The following LRBA variants were observed in gnomAD, a reference collection of about 807,000 sequenced individuals.
LRBA encodes lipopolysaccharide-responsive and beige-like anchor protein.
In LRBA, 176 loss-of-function variants were observed where a neutral mutation model predicts 330.0. That is an observed-to-expected ratio of 0.53 (90% CI 0.47 to 0.60). The LOEUF is 0.60. Among genes scored for constraint, LRBA ranks in the 20% least tolerant of loss-of-function variants. LRBA has a pLI of 0.00. For missense variants in LRBA, 3,259 were observed against 3,444.8 expected (o/e 0.95, Z 1.35); for synonymous variants, 1,230 against 1,193.0 (o/e 1.03, Z -0.64).
chr4:150,954,253 C>G (rs1392662592), intron 2 of LRBA, among the ~76,000 whole-genome samples: 1 of 152,102 alleles, frequency 6.6e-6, no homozygotes, highest in Non-Finnish European at 1.5e-5. Context: ...GGCCGCCACC[C>G]CGTCTGGGAG....
At chr4:150,849,088 G>C (rs760351599) in intron 25 of LRBA, 90 bp from the exon 26 acceptor site, 58 of 839,306 alleles carry the variant, frequency 6.9e-5, no homozygotes, top group Non-Finnish European at 9.9e-5. Flanking sequence ...AATTGCATAA[G>C]TAGTCAGACT....
chr4:150,402,653 T>C (rs1177727862), intron 47 of LRBA, among the ~76,000 whole-genome samples: 3 of 152,014 alleles, frequency 2.0e-5, no homozygotes, highest in African/African-American at 7.2e-5. Flanking sequence ...AGAGAAAAAA[T>C]GGCCTATTTT....
At position 150,336,575 on chromosome 4, in the gene LRBA, A is replaced by T. The variant is rs72953852; in HGVS notation, c.7363-10677T>A. ...TAATGCAAAGAAAAGGGGGAGAAGG[A>T]AAATTAGGGAGGGAAAGGAGTATTT... On this transcript the variant is annotated intron_variant, in intron 48 of 56. Transcript: ENST00000651943. 2.0e-5 allele frequency among the ~76,000 whole-genome samples: 3 copies of T among 152,104 alleles called. No individual in the cohort carries two copies. In the South Asian group the frequency reaches 6.2e-4, roughly 32 times the overall value.
intron 40 of LRBA, among the ~76,000 whole-genome samples, chr4:150,511,650 A>C (rs937494139): frequency 2.0e-5 from 3 of 152,228 alleles, no homozygotes; most frequent in African/African-American, 7.2e-5. Flanking sequence ...CTTAGATCTC[A>C]TTGTATCCCA....
chr4:150,615,824 G>A (rs1055745024), intron 37 of LRBA, among the ~76,000 whole-genome samples: 1 of 151,942 alleles, frequency 6.6e-6, no homozygotes, highest in African/African-American at 2.4e-5. Context: ...TGTAGCCAGT[G>A]ACATGCAAGC....
chr4:150,940,845 C>A (rs73859295), intron 2 of LRBA, among the ~76,000 whole-genome samples: 1 of 151,752 alleles, frequency 6.6e-6, no homozygotes, highest in Non-Finnish European at 1.5e-5. Flanking sequence ...CTTTTAAGTG[C>A]CTTTTTTGTT....
chr4:150,898,515 A>C (rs1045606502), intron 14 of LRBA, among the ~76,000 whole-genome samples: 1 of 152,042 alleles, frequency 6.6e-6, no homozygotes, highest in Non-Finnish European at 1.5e-5. Flanking sequence ...ATATTTTATA[A>C]TTTTTCCACC....
At chr4:150,476,902 G>A (rs1453882605) in intron 42 of LRBA, among the ~76,000 whole-genome samples, 2 of 152,140 alleles carry the variant, frequency 1.3e-5, no homozygotes, top group Non-Finnish European at 2.9e-5. Context: ...ACTGATAACA[G>A]GACTAATTCT....
At chr4:150,885,449 C>T (rs972374964) in intron 17 of LRBA, among the ~76,000 whole-genome samples, 7 of 151,954 alleles carry the variant, frequency 4.6e-5, no homozygotes, top group African/African-American at 1.5e-4. Context: ...AGTGAAACCC[C>T]ATCTCTACTA....
At chr4:150,678,715 T>C (rs958353476) in intron 37 of LRBA, among the ~76,000 whole-genome samples, 2 of 152,234 alleles carry the variant, frequency 1.3e-5, no homozygotes, top group African/African-American at 4.8e-5. Context: ...TTGTCAGGAA[T>C]GGCTATAAAG....
At chr4:150,658,373 A>C (rs1250261816) in intron 37 of LRBA, among the ~76,000 whole-genome samples, 3 of 150,884 alleles carry the variant, frequency 2.0e-5, no homozygotes, top group Admixed American at 1.3e-4. Flanking sequence ...AAAAAAAAAA[A>C]CTGCTGAAAT....
At chr4:150,646,049 G>T (rs561752366) in intron 37 of LRBA, among the ~76,000 whole-genome samples, 62 of 151,488 alleles carry the variant, frequency 4.1e-4, no homozygotes, top group African/African-American at 1.4e-3. Flanking sequence ...CTTGCCTTTT[G>T]ACCCAAAAAT....
chr4:150,945,862 C>T (rs933964304), intron 2 of LRBA, among the ~76,000 whole-genome samples: 1 of 151,476 alleles, frequency 6.6e-6, no homozygotes, highest in Non-Finnish European at 1.5e-5. Flanking sequence ...TACAGTGGCA[C>T]AATCTCAGCT....
At chr4:150,914,165 T>A (rs551017735) in intron 9 of LRBA, 30 bp downstream of exon 9, 2 of 1,562,644 alleles carry the variant, frequency 1.3e-6, no homozygotes, top group Non-Finnish European at 1.7e-6. Context: ...GAACTAACAT[T>A]GGTTAAGCAC....
intron 40 of LRBA, among the ~76,000 whole-genome samples, chr4:150,547,054 C>A (rs1297622120): frequency 6.6e-6 from 1 of 152,120 alleles, no homozygotes; most frequent in Non-Finnish European, 1.5e-5. Flanking sequence ...TCAAACATGT[C>A]TATTAGAGCC....
At position 150,828,405 on chromosome 4, in the gene LRBA, T is replaced by C. The variant is rs373049835; in HGVS notation, c.4946A>G (p.Asn1649Ser). ...ATCATTTTTGGTTTCCGGAGACTTA[T>C]TGACTTCTAAAGAAAGAGTAGATAG... is the stretch of plus-strand genomic sequence containing the variant. ...EVLSTLSLEV[N>S]KSPETKNDRG... is the part of the protein sequence containing the mutation. Residue 1649 changes from asparagine to serine, a missense_variant, in exon 30 of 57, where the codon AAT becomes AGT. Transcript: ENST00000651943. 67 of 1,613,992 alleles carry C rather than the reference T, an allele frequency of 4.2e-5. No individual in the cohort carries two copies. The highest frequency in any genetic ancestry group is 3.3e-4 in the Middle Eastern group (2 of 6,084).
chr4:150,349,890 T>G (rs1581084040), intron 48 of LRBA, 102 bp downstream of exon 48: 1 of 1,019,424 alleles, frequency 9.8e-7, no homozygotes, highest in East Asian at 2.6e-5. Flanking sequence ...CTAGTTTCAC[T>G]TTCTTCATCA....
intron 39 of LRBA, 145 bp from the exon 40 acceptor site, chr4:150,588,329 C>A: frequency 1.4e-6 from 1 of 705,190 alleles, no homozygotes; most frequent in Non-Finnish European, 2.1e-6. Flanking sequence ...AATATTCTGT[C>A]CACCCCAAAT....
chr4:150,714,439 A>G (rs1305746296), intron 36 of LRBA, among the ~76,000 whole-genome samples: 1 of 152,218 alleles, frequency 6.6e-6, no homozygotes, highest in Non-Finnish European at 1.5e-5. Context: ...TTGACAAAAA[A>G]GACATGCCTT....
Sources: allele counts gnomAD v4.1 joint callset (sites outside exome capture counted in the v4.1 genomes callset), GRCh38; gene constraint gnomAD v4.1.1; transcripts MANE v1.5; gene names NCBI Gene and HGNC (gene_info 2026-07-23, HGNC 2026-07-21).